The following ESR1 variants were observed in gnomAD, a reference collection of about 807,000 sequenced individuals.
ESR1 encodes estrogen receptor.
In ESR1, 12 loss-of-function variants were observed where a neutral mutation model predicts 52.7. The observed-to-expected ratio is 0.23, with a 90% CI of 0.15 to 0.37. ESR1 has a LOEUF of 0.37. Ranked by LOEUF, ESR1 falls within the 10% of genes least tolerant of loss-of-function variation. ESR1 has a pLI of 1.00. For missense variants in ESR1, 584 were observed against 779.7 expected, an observed-to-expected ratio of 0.75 and a Z score of 2.99; for synonymous variants, 305 against 316.8, an observed-to-expected ratio of 0.96 and a Z score of 0.39.
intron 3 of ESR1, among the ~76,000 whole-genome samples, chr6:151,897,895 G>A (rs1318979343): frequency 1.3e-5 from 2 of 152,146 alleles, no homozygotes; most frequent in Admixed American, 1.3e-4. Context: ...CTTGGTAGTG[G>A]CGAATTCTCT....
intron 6 of ESR1, among the ~76,000 whole-genome samples, chr6:152,092,987 C>T (rs922106207): frequency 4.6e-5 from 7 of 152,074 alleles, no homozygotes; most frequent in South Asian, 4.1e-4. Flanking sequence ...AATGTAAGAA[C>T]GAAGACCTTG....
chr6:151,777,744 G>A (rs1040553429), intron 2 of ESR1, among the ~76,000 whole-genome samples: 1 of 152,128 alleles, frequency 6.6e-6, no homozygotes, highest in Non-Finnish European at 1.5e-5. Context: ...TGGATCACCT[G>A]AGGTCAGGAG....
chr6:151,727,858 C>G (rs1466294699), intron 2 of ESR1, among the ~76,000 whole-genome samples: 1 of 152,196 alleles, frequency 6.6e-6, no homozygotes, highest in Non-Finnish European at 1.5e-5. Flanking sequence ...TAAGACGTGC[C>G]TTGGCTACTC....
intron 2 of ESR1, among the ~76,000 whole-genome samples, chr6:151,846,266 A>C (rs1785101839): frequency 6.6e-6 from 1 of 152,264 alleles, no homozygotes; most frequent in Non-Finnish European, 1.5e-5. Flanking sequence ...CCATGGATTT[A>C]ATCCTAGACT....
chr6:152,024,080 C>T lies in ESR1; in HGVS notation c.1235+12286C>T, dbSNP rs140783418. On this transcript the variant is annotated intron_variant, in intron 5 of 7. Coordinates refer to ENST00000206249, the MANE Select transcript of ESR1 (RefSeq NM_000125.4). Reference sequence around the variant, plus strand: ...ATATACAGTATGCAATAAAGAATGGCTTTTATATTTTTCCAAATGTATATT... The same window carrying T: ...ATATACAGTATGCAATAAAGAATGGTTTTTATATTTTTCCAAATGTATATT... 5.9e-4 allele frequency among the ~76,000 whole-genome samples: 89 copies of T among 152,128 alleles called. 2 individuals carry two copies. The East Asian group carries it at 0.016, about 27-fold the overall frequency.
chr6:151,723,832 T>C (rs1781639654), intron 2 of ESR1, among the ~76,000 whole-genome samples: 1 of 152,238 alleles, frequency 6.6e-6, no homozygotes, highest in South Asian at 2.1e-4. Flanking sequence ...ATCATGCCAC[T>C]GCACTCCAGC....
At chr6:151,958,771 A>G (rs1417767650) in intron 4 of ESR1, among the ~76,000 whole-genome samples, 1 of 152,214 alleles carries the variant, frequency 6.6e-6, no homozygotes, top group Non-Finnish European at 1.5e-5. Context: ...TTTGAGTACA[A>G]GTGGTGAACA....
At chr6:152,082,597 T>C (rs2129011652) in intron 6 of ESR1, among the ~76,000 whole-genome samples, 1 of 152,318 alleles carries the variant, frequency 6.6e-6, no homozygotes, top group East Asian at 1.9e-4. Flanking sequence ...AACATAGTGT[T>C]GGAAGTTCTG....
At chr6:152,109,616 G>A (rs2051107760) in intron 6 of ESR1, among the ~76,000 whole-genome samples, 1 of 152,196 alleles carries the variant, frequency 6.6e-6, no homozygotes, top group Non-Finnish European at 1.5e-5. Context: ...AATCCAGGAG[G>A]TGGAGTTTGT....
intron 2 of ESR1, among the ~76,000 whole-genome samples, chr6:151,724,762 G>T (rs977760896): frequency 2.6e-5 from 4 of 152,164 alleles, no homozygotes; most frequent in Non-Finnish European, 4.4e-5. Context: ...TTCGCCCAGC[G>T]TTAATAGTGT....
intron 1 of ESR1, among the ~76,000 whole-genome samples, chr6:151,676,121 T>C (rs1381798922): frequency 6.6e-6 from 1 of 152,162 alleles, no homozygotes; most frequent in Non-Finnish European, 1.5e-5. Flanking sequence ...AGAACTGGTG[T>C]AAGTCAAAGA....
intron 6 of ESR1, among the ~76,000 whole-genome samples, chr6:152,114,869 T>A (rs1451974639): frequency 3.0e-4 from 34 of 114,370 alleles, no homozygotes; most frequent in Non-Finnish European, 3.2e-4. Context: ...CCAGCCTGGG[T>A]GACAGAGCTA....
At chr6:152,032,561 T>C (rs1312249075) in intron 5 of ESR1, among the ~76,000 whole-genome samples, 1 of 152,096 alleles carries the variant, frequency 6.6e-6, no homozygotes, top group Non-Finnish European at 1.5e-5. Context: ...AGGAATAAAA[T>C]ACCTAAGAAT....
intron 2 of ESR1, among the ~76,000 whole-genome samples, chr6:151,740,867 G>A (rs575436091): frequency 3.7e-4 from 56 of 152,160 alleles, no homozygotes; most frequent in Non-Finnish European, 4.0e-4. Flanking sequence ...TGGGACTGAT[G>A]TTCTGTTCTT....
chr6:152,087,558 G>A (rs2049836708), intron 6 of ESR1, among the ~76,000 whole-genome samples: 1 of 152,146 alleles, frequency 6.6e-6, no homozygotes, highest in Admixed American at 6.6e-5. Context: ...GTCACTCAGG[G>A]ACTCAGGCTG....
chr6:151,924,934 T>A (rs1421490971), intron 3 of ESR1, among the ~76,000 whole-genome samples: 2 of 152,134 alleles, frequency 1.3e-5, no homozygotes, highest in Non-Finnish European at 2.9e-5. Context: ...TGTGCATGTG[T>A]CTTTATGGTA....
intron 1 of ESR1, among the ~76,000 whole-genome samples, chr6:151,818,380 T>G (rs1432776272): frequency 1.3e-5 from 2 of 152,208 alleles, no homozygotes; most frequent in African/African-American, 4.8e-5. Flanking sequence ...TATCAACCCC[T>G]GTCCCAGGGC....
At chr6:151,838,498 G>C (rs1474233318) in intron 1 of ESR1, among the ~76,000 whole-genome samples, 1 of 152,170 alleles carries the variant, frequency 6.6e-6, no homozygotes, top group East Asian at 1.9e-4. Context: ...TGGATGGGCT[G>C]TGTTAGTCTG....
At chr6:151,717,402 G>A (rs557774203) in intron 2 of ESR1, among the ~76,000 whole-genome samples, 14 of 152,286 alleles carry the variant, frequency 9.2e-5, no homozygotes, top group African/African-American at 2.9e-4. Context: ...AAACAAGTAA[G>A]AGCAAAGCAT....
Sources: allele counts gnomAD v4.1 joint callset (sites outside exome capture counted in the v4.1 genomes callset), GRCh38; gene constraint gnomAD v4.1.1; transcripts MANE v1.5; gene names NCBI Gene and HGNC (gene_info 2026-07-23, HGNC 2026-07-21).